Variants in TMEM181 observed in about 807,000 individuals in gnomAD.
The protein encoded by TMEM181 is transmembrane protein 181.
A neutral mutation model predicts 71.9 loss-of-function variants in TMEM181; 39 were observed. The ratio of observed to expected loss-of-function variants is 0.54; its 90% confidence interval spans 0.42 to 0.71. TMEM181 has a LOEUF of 0.71. TMEM181 is among the 30% of genes least tolerant of loss of function. TMEM181 has a pLI of 0.00. For synonymous variants in TMEM181, 245 were observed against 228.8 expected, an observed-to-expected ratio of 1.07 and a Z score of -0.64; for missense variants, 595 against 583.0, an observed-to-expected ratio of 1.02 and a Z score of -0.21.
chr6:158,548,195 C>G (rs190923940), intron 1 of TMEM181, among the ~76,000 whole-genome samples: 1 of 152,114 alleles, frequency 6.6e-6, no homozygotes. Context: ...ATAAACCAGC[C>G]GTGTTTGTCC....
intron 6 of TMEM181, among the ~76,000 whole-genome samples, chr6:158,594,211 A>G (rs9364493): frequency 0.37 from 55,438 of 149,058 alleles, 11,304 homozygotes; most frequent in East Asian, 0.76. Context: ...TGATTCTCAT[A>G]CCTTAGCCTC....
rs897464175 is a variant in TMEM181 at position 158,571,647 on chromosome 6, T to C, written c.9-1773T>C. On this transcript the variant is annotated intron_variant, in intron 1 of 16. Coordinates refer to ENST00000684151, the MANE Select transcript of TMEM181 (RefSeq NM_001376852.1). ...AACACACCATGCTTAAACTAAGGAA[T>C]AGACTTGACACCTGGGTTAACTGCG... Among the ~76,000 whole-genome samples the C allele has an allele frequency of 3.9e-5, 6 of 152,246 alleles. No individual in the cohort carries two copies. The East Asian group carries it at 1.2e-3, about 29-fold the overall frequency.
chr6:158,629,656 G>A, intron 14 of TMEM181, 74 bp from the exon 15 acceptor site: 2 of 1,276,024 alleles, frequency 1.6e-6, no homozygotes, highest in South Asian at 1.4e-5. Context: ...GATGGCGGGA[G>A]GAGTGGTCGG....
At chr6:158,571,577 C>T (rs1179381164) in intron 1 of TMEM181, among the ~76,000 whole-genome samples, 5 of 151,624 alleles carry the variant, frequency 3.3e-5, no homozygotes, top group African/African-American at 4.8e-5. Context: ...GGATTATAGG[C>T]ATGAGCCACC....
intron 10 of TMEM181, among the ~76,000 whole-genome samples, chr6:158,613,202 AC>A (rs1785426022): frequency 6.6e-6 from 1 of 152,226 alleles, no homozygotes; most frequent in South Asian, 2.1e-4. Flanking sequence ...AAATTGAAAA[AC>A]ATCAGTCAAG....
chr6:158,618,836 G>A (rs182521031), intron 10 of TMEM181, among the ~76,000 whole-genome samples: 36 of 152,340 alleles, frequency 2.4e-4, no homozygotes, highest in African/African-American at 8.7e-4. Context: ...CTTCTGGCTT[G>A]TAGAGTTTCT....
At chr6:158,629,052 T>C (rs1786512850) in intron 14 of TMEM181, among the ~76,000 whole-genome samples, 1 of 152,222 alleles carries the variant, frequency 6.6e-6, no homozygotes, top group Non-Finnish European at 1.5e-5. Context: ...CGATTCCCGC[T>C]GTGCCTGAGG....
At chr6:158,612,670 T>A (rs1785400405) in intron 10 of TMEM181, among the ~76,000 whole-genome samples, 1 of 152,238 alleles carries the variant, frequency 6.6e-6, no homozygotes, top group Non-Finnish European at 1.5e-5. Flanking sequence ...GAGACCTGAT[T>A]GGTTGAGATA....
chr6:158,589,837 T>G (rs1784007385), intron 6 of TMEM181, 55 bp downstream of exon 6: 1 of 1,248,760 alleles, frequency 8.0e-7, no homozygotes, highest in African/African-American at 1.5e-5. Flanking sequence ...GTTCCCATTC[T>G]TTGTTCAATG....
intron 8 of TMEM181, 47 bp from the exon 9 acceptor site, chr6:158,608,286 G>A (rs776563851): frequency 6.2e-7 from 1 of 1,611,490 alleles, no homozygotes; most frequent in South Asian, 1.1e-5. Context: ...TCTGCCAGGT[G>A]CTGGCGGGCC....
rs1782066288 is a variant in TMEM181 at position 158,560,091 on chromosome 6, G to C, written c.-134G>C. 2.0e-6 allele frequency: 2 copies of C among 985,000 alleles called. No individual in the cohort carries two copies. Among genetic ancestry groups the C allele is most frequent in the South Asian group, 4.7e-5 (1 of 21,294 alleles). The allele number at this position is 985,000 out of a possible 1,614,324, so 61.0% of individuals were successfully genotyped here. The stretch of plus-strand genomic sequence containing the variant: ...CGTGATCTCGGCGTCGCGCTCTGAT[G>C]AGTTTTCCGCGGCCGGCCGCTGCTC... On this transcript the variant is annotated 5_prime_UTR_variant, in exon 1 of 17. Coordinates refer to ENST00000684151, the MANE Select transcript of TMEM181 (RefSeq NM_001376852.1).
intron 2 of TMEM181, among the ~76,000 whole-genome samples, chr6:158,578,134 C>T (rs1230116796): frequency 6.6e-6 from 1 of 152,056 alleles, no homozygotes; most frequent in Non-Finnish European, 1.5e-5. Flanking sequence ...AACTGTCAGT[C>T]AAGAATCCTA....
At chr6:158,560,330 T>C (rs1338898234) in intron 1 of TMEM181, 98 bp downstream of exon 1, 12 of 984,370 alleles carry the variant, frequency 1.2e-5, no homozygotes, top group Admixed American at 6.2e-5. Flanking sequence ...GCAGGGTCCC[T>C]GGCGCCCACG....
In TMEM181 at chr6:158,631,408, G is replaced by A. The variant is rs548303284; in HGVS notation, c.1349+19G>A. ...TTTATGGGTAAGTCCCTGTCCGTTA[G>A]AAGGCCGGCACACCTTGGGCATCCC... On this transcript the variant is annotated intron_variant, in intron 16 of 16. Coordinates refer to ENST00000684151, the MANE Select transcript of TMEM181 (RefSeq NM_001376852.1). 2 of 1,613,900 alleles carry A rather than the reference G, an allele frequency of 1.2e-6. No homozygotes were observed. The highest frequency in any genetic ancestry group is 2.2e-5 in the East Asian group (1 of 44,862).
intron 10 of TMEM181, chr6:158,611,315 ACT>A (rs1785294283): frequency 2.0e-6 from 1 of 505,218 alleles, no homozygotes; most frequent in African/African-American, 1.9e-5. Context: ...CAACTGGGAC[ACT>A]CTGCTATGCT....
intron 6 of TMEM181, among the ~76,000 whole-genome samples, chr6:158,601,716 G>A (rs1011698820): frequency 6.7e-6 from 1 of 149,346 alleles, no homozygotes; most frequent in Non-Finnish European, 1.5e-5. Context: ...CCGAGATCCC[G>A]CCACTGCAGC....
intron 8 of TMEM181, among the ~76,000 whole-genome samples, 182 bp downstream of exon 8, chr6:158,607,525 C>T (rs1562304557): frequency 6.6e-6 from 1 of 152,090 alleles, no homozygotes; most frequent in Non-Finnish European, 1.5e-5. Context: ...TAAAATTTAG[C>T]TGGGCATGGT....
At chr6:158,541,357 C>T (rs1781333918) in intron 1 of TMEM181, among the ~76,000 whole-genome samples, 1 of 152,142 alleles carries the variant, frequency 6.6e-6, no homozygotes. Flanking sequence ...GCAGGGGTTG[C>T]AGTGAGTTGA....
At chr6:158,588,957 C>T (rs1562638508) in intron 5 of TMEM181, among the ~76,000 whole-genome samples, 1 of 152,178 alleles carries the variant, frequency 6.6e-6, no homozygotes, top group Non-Finnish European at 1.5e-5. Flanking sequence ...GAGTGGCTGG[C>T]TCTGTGTGCA....
Sources: allele counts gnomAD v4.1 joint callset (sites outside exome capture counted in the v4.1 genomes callset), GRCh38; gene constraint gnomAD v4.1.1; transcripts MANE v1.5; gene names NCBI Gene and HGNC (gene_info 2026-07-23, HGNC 2026-07-21).